BMP8A: variants seen among roughly 807,000 people sequenced by gnomAD.
The protein encoded by BMP8A is bone morphogenetic protein 8a.
BMP8A carries 14 observed loss-of-function variants against 36.8 expected under a neutral mutation model. The ratio of observed to expected loss-of-function variants is 0.38; its 90% confidence interval spans 0.25 to 0.60. The LOEUF is 0.60. Ranked by LOEUF, BMP8A falls within the 20% of genes least tolerant of loss-of-function variation. The pLI is 0.63. For missense variants in BMP8A, 267 were observed against 551.1 expected, an observed-to-expected ratio of 0.48 and a Z score of 5.16; for synonymous variants, 120 against 237.7, an observed-to-expected ratio of 0.50 and a Z score of 4.55.
At chr1:39,512,732 G>A (rs1645366672) in intron 3 of BMP8A, among the ~76,000 whole-genome samples, 1 of 152,122 alleles carries the variant, frequency 6.6e-6, no homozygotes, top group African/African-American at 2.4e-5. Context: ...ATGTGCCCTG[G>A]GTGAAAGGGA....
At chr1:39,493,760 G>A in intron 1 of BMP8A, among the ~76,000 whole-genome samples, 1 of 152,222 alleles carries the variant, frequency 6.6e-6, no homozygotes, top group Non-Finnish European at 1.5e-5. Flanking sequence ...TGGGACAGAG[G>A]AGACCATCTG....
At chr1:39,518,122 C>T (rs1167238110) in intron 3 of BMP8A, among the ~76,000 whole-genome samples, 7 of 152,296 alleles carry the variant, frequency 4.6e-5, no homozygotes, top group African/African-American at 1.2e-4. Flanking sequence ...TGCGCATGCA[C>T]GCGTGCACAC....
rs372200794 is a variant in BMP8A, at chr1:39,511,132, G to C, written c.335-42G>C. 10,605 of 1,305,514 alleles carry C rather than the reference G, an allele frequency of 8.1e-3. 58 individuals carry two copies. The highest frequency in any genetic ancestry group is 9.8e-3 in the Non-Finnish European group (9,253 of 941,986). 80.9% of individuals were successfully genotyped at this position (1,305,514 alleles called of 1,614,324 possible). On this transcript the variant is annotated intron_variant, in intron 1 of 6. Transcript: ENST00000331593. Reference sequence around the variant, plus strand: ...ACCAGCTCTGCCCCCTCCAGAGCCCGAGCCATTCTGAGTGCCAGCCCAGCG... The same window carrying C: ...ACCAGCTCTGCCCCCTCCAGAGCCCCAGCCATTCTGAGTGCCAGCCCAGCG...
At chr1:39,499,626 C>T (rs1171754617) in intron 1 of BMP8A, among the ~76,000 whole-genome samples, 2 of 152,254 alleles carry the variant, frequency 1.3e-5, no homozygotes, top group African/African-American at 4.8e-5. Flanking sequence ...AGGCCACCTC[C>T]TGCCCACAGT....
rs1320947805 is a variant in BMP8A, at chr1:39,491,934, C to T, written c.-58C>T. 4.7e-6 allele frequency: 5 copies of T among 1,054,994 alleles called. No homozygotes were observed. Among genetic ancestry groups the T allele is most frequent in the Non-Finnish European group, 5.7e-6 (5 of 875,870 alleles). 65.4% of individuals were successfully genotyped at this position (1,054,994 alleles called of 1,614,324 possible). ...CTCCCCGTTCGCCGTCGGGGCGTCC[C>T]CGGGCCCAGGGGCGGCGGCGGAGCT... On this transcript the variant is annotated 5_prime_UTR_variant, in exon 1 of 7. Coordinates refer to ENST00000331593, the MANE Select transcript of BMP8A (RefSeq NM_181809.4).
Position 39,525,875 on chromosome 1 carries a change from C to G in BMP8A, c.*77C>G. On this transcript the variant is annotated 3_prime_UTR_variant, in exon 7 of 7. Coordinates refer to ENST00000331593, the MANE Select transcript of BMP8A (RefSeq NM_181809.4). ...TGCAGAGGCAGAAAACCCTTAAATGCTGTCACAGCTCAAGCAGGAGTGTCA... is the reference window on the plus strand; with the variant it reads ...TGCAGAGGCAGAAAACCCTTAAATGGTGTCACAGCTCAAGCAGGAGTGTCA... The G allele has an allele frequency of 6.3e-7, 1 of 1,590,866 alleles. No homozygotes were observed. Among genetic ancestry groups the G allele is most frequent in the Non-Finnish European group, 8.5e-7 (1 of 1,170,400 alleles).
At chr1:39,506,283 C>T (rs544821198) in intron 1 of BMP8A, among the ~76,000 whole-genome samples, 13 of 152,110 alleles carry the variant, frequency 8.5e-5, no homozygotes, top group Non-Finnish European at 1.6e-4. Flanking sequence ...AATCTTGGCT[C>T]ACTGCAACCT....
Position 39,522,411 on chromosome 1 carries a change from C to T in BMP8A, c.877C>T (p.Arg293Cys), listed in dbSNP as rs763928974. The T allele has an allele frequency of 1.1e-5, 18 of 1,602,836 alleles. No individual in the cohort carries two copies. Among genetic ancestry groups the T allele is most frequent in the East Asian group, 2.2e-5 (1 of 44,602 alleles). Reference protein sequence around the residue: ...NRLPGIFDDVRGSHGRQVCRR... With the variant: ...NRLPGIFDDVCGSHGRQVCRR... ...CCCTTCTGTCCCTGCAGATGACGTC[C>T]GCGGCTCCCACGGCCGGCAGGTCTG... The change falls in exon 5 of 7, where the codon CGC becomes TGC. Residue 293 changes from arginine to cysteine, a missense_variant. Around this residue, in one of 7 missense-constraint regions of BMP8A, gnomAD observed 6 missense variants for 27.9 expected, o/e 0.21. Coordinates refer to ENST00000331593, the MANE Select transcript of BMP8A (RefSeq NM_181809.4).
chr1:39,527,058 G>A lies in BMP8A; in HGVS notation c.*1260G>A, dbSNP rs1378628341. On this transcript the variant is annotated 3_prime_UTR_variant, in exon 7 of 7. Transcript: ENST00000331593. The stretch of plus-strand genomic sequence containing the variant: ...CAAAGCAGGGTGACTGGCAGTCTCC[G>A]GCCAGGCATGGGGCAAGGGTGGGGA... Among the ~76,000 whole-genome samples, 2 of 152,168 alleles carry A rather than the reference G, an allele frequency of 1.3e-5. No individual in the cohort carries two copies. Among genetic ancestry groups the A allele is most frequent in the East Asian group, 3.9e-4 (2 of 5,188 alleles).
At chr1:39,519,490 A>AG (rs1262435463) in intron 3 of BMP8A, among the ~76,000 whole-genome samples, 2 of 143,314 alleles carry the variant, frequency 1.4e-5, no homozygotes, top group Admixed American at 1.4e-4. Context: ...TAGCATCTGC[A>AG]GCTCACAGCC....
chr1:39,510,713 T>C (rs1557690578), intron 1 of BMP8A, among the ~76,000 whole-genome samples: 1 of 152,240 alleles, frequency 6.6e-6, no homozygotes, highest in Non-Finnish European at 1.5e-5. Context: ...GGATGGCTTA[T>C]GTCCCCTGAG....
chr1:39,493,055 T>G (rs903793738), intron 1 of BMP8A, among the ~76,000 whole-genome samples: 1 of 152,186 alleles, frequency 6.6e-6, no homozygotes, highest in Non-Finnish European at 1.5e-5. Flanking sequence ...TTCCTTAAGA[T>G]CTCAGATTTT....
chr1:39,496,424 C>T (rs868861818), intron 1 of BMP8A, among the ~76,000 whole-genome samples: 11 of 150,632 alleles, frequency 7.3e-5, no homozygotes, highest in Non-Finnish European at 1.5e-4. Context: ...CTGAGACCCA[C>T]ACACAAGGAA....
intron 3 of BMP8A, chr1:39,515,705 G>C: frequency 6.3e-7 from 1 of 1,576,368 alleles, no homozygotes; most frequent in African/African-American, 1.3e-5. Context: ...CTTCCCCCCA[G>C]AAGACATCCA....
Position 39,527,851 on chromosome 1 carries a change from C to T in BMP8A, c.*2053C>T, listed in dbSNP as rs1391487461. On this transcript the variant is annotated 3_prime_UTR_variant, in exon 7 of 7. Transcript: ENST00000331593. ...TCATCTGCAACATGAGGACATAGGA[C>T]TCTTTAATTCCAAAGGCTCTTCCAA... 1.3e-5 allele frequency among the ~76,000 whole-genome samples: 2 copies of T among 152,336 alleles called. No homozygotes were observed. Among genetic ancestry groups the T allele is most frequent in the Admixed American group, 6.5e-5 (1 of 15,302 alleles).
At chr1:39,498,357 C>T (rs967632226) in intron 1 of BMP8A, among the ~76,000 whole-genome samples, 17 of 152,236 alleles carry the variant, frequency 1.1e-4, no homozygotes, top group Non-Finnish European at 2.2e-4. Context: ...ACAGTTCATT[C>T]TTTCCCGGGA....
chr1:39,502,345 T>C (rs1645260952), intron 1 of BMP8A, among the ~76,000 whole-genome samples: 2 of 152,148 alleles, frequency 1.3e-5, no homozygotes, highest in African/African-American at 4.8e-5. Context: ...TACATACAGA[T>C]GTGTGTTTTT....
At chr1:39,500,515 T>C (rs1027364625) in intron 1 of BMP8A, among the ~76,000 whole-genome samples, 2 of 151,938 alleles carry the variant, frequency 1.3e-5, no homozygotes, top group East Asian at 3.9e-4. Flanking sequence ...AGAAACCTGT[T>C]CAAGGTGACC....
Position 39,499,862 on chromosome 1 carries a change from C to T in BMP8A, c.334+7537C>T, listed in dbSNP as rs112771385. 9.4e-3 allele frequency among the ~76,000 whole-genome samples: 1,430 copies of T among 152,270 alleles called. 26 individuals are homozygous for T. The highest frequency in any genetic ancestry group is 0.032 in the African/African-American group (1,338 of 41,518). ...TCACTGGAACTGGCTGTCACCAGTC[C>T]CTGTTGGCTGCAGAAAGCTCTACAG... On this transcript the variant is annotated intron_variant, in intron 1 of 6. Transcript: ENST00000331593.
Sources: allele counts gnomAD v4.1 joint callset (sites outside exome capture counted in the v4.1 genomes callset), GRCh38; gene constraint gnomAD v4.1.1; regional missense constraint gnomAD v4.1.1; transcripts MANE v1.5; gene names NCBI Gene and HGNC (gene_info 2026-07-23, HGNC 2026-07-21).